Variants in TUSC3 observed in about 807,000 individuals in gnomAD.
TUSC3 encodes tumor suppressor candidate 3, also known as dolichyl-diphosphooligosaccharide--protein glycosyltransferase subunit TUSC3.
TUSC3 carries 45 observed loss-of-function variants against 44.8 expected under a neutral mutation model. The observed-to-expected ratio is 1.00, with a 90% CI of 0.79 to 1.29. The LOEUF (loss-of-function observed/expected upper bound fraction) is 1.29, where lower values mean the gene tolerates loss of function less well. Among genes scored for constraint, TUSC3 ranks in the 50% most tolerant of loss-of-function variants. The probability of loss-of-function intolerance (pLI) is 0.00; values close to 1 mark genes in which losing one functional copy is unlikely to be tolerated. For synonymous variants in TUSC3, 212 were observed against 152.9 expected (o/e 1.39, Z -2.85); for missense variants, 519 against 437.9 (o/e 1.19, Z -1.65).
intron 1 of TUSC3, among the ~76,000 whole-genome samples, chr8:15,558,797 G>T (rs911182076): frequency 1.4e-5 from 2 of 143,124 alleles, no homozygotes; most frequent in African/African-American, 5.1e-5. Context: ...TTTGCATAGA[G>T]GTGTTTGTAG....
At chr8:15,780,536 C>T in the TUSC3 span, among the ~76,000 whole-genome samples, 1 of 152,162 alleles carries the variant, frequency 6.6e-6, no homozygotes, top group Non-Finnish European at 1.5e-5. Context: ...CTCAAATATT[C>T]CCAGTTGTTC....
At position 15,540,419 on chromosome 8, in the gene TUSC3, T is replaced by G; in HGVS notation, c.-12T>G. The G allele has an allele frequency of 6.4e-7, 1 of 1,572,166 alleles. No individual in the cohort carries two copies. Among genetic ancestry groups the G allele is most frequent in the Non-Finnish European group, 8.6e-7 (1 of 1,160,600 alleles). On this transcript the variant is annotated 5_prime_UTR_variant, in exon 1 of 11. Transcript: ENST00000503731. The stretch of plus-strand genomic sequence containing the variant: ...CGGCTACCGCGCGTGGAGGAGACAC[T>G]GCCCTGCCGCGATGGGGGCCCGGGG...
chr8:15,534,888 A>G (rs997475058), intron 2 of TUSC3, among the ~76,000 whole-genome samples: 3 of 152,168 alleles, frequency 2.0e-5, no homozygotes, highest in Admixed American at 1.3e-4. Flanking sequence ...CAGTTTGAAC[A>G]TTCAGCAGTC....
the TUSC3 span, among the ~76,000 whole-genome samples, chr8:15,805,439 C>A: frequency 6.6e-6 from 1 of 151,926 alleles, no homozygotes; most frequent in Non-Finnish European, 1.5e-5. Flanking sequence ...TCAGCTTTTG[C>A]CTGTTTAGTA....
In TUSC3 at chr8:15,699,350, A is replaced by G. The variant is rs377283432; in HGVS notation, c.798+25514A>G. 1.1e-4 allele frequency among the ~76,000 whole-genome samples: 17 copies of G among 152,322 alleles called. No individual in the cohort carries two copies. In the East Asian group the frequency reaches 1.9e-3, roughly 17 times the overall value. On this transcript the variant is annotated intron_variant, in intron 6 of 10. Transcript: ENST00000503731. Reference sequence around the variant, plus strand: ...AGCACTTTCATTCACCATAGTTCTCAAAACTTGCAAACTTTTAGACTGCAC... The same window carrying G: ...AGCACTTTCATTCACCATAGTTCTCGAAACTTGCAAACTTTTAGACTGCAC...
intron 1 of TUSC3, among the ~76,000 whole-genome samples, chr8:15,468,596 C>A (rs1436443374): frequency 6.6e-6 from 1 of 152,044 alleles, no homozygotes; most frequent in African/African-American, 2.4e-5. Flanking sequence ...CTGATGCCCC[C>A]CTCTAATAAA....
chr8:15,681,478 C>T (rs1306535803), intron 6 of TUSC3, among the ~76,000 whole-genome samples: 2 of 151,532 alleles, frequency 1.3e-5, no homozygotes. Flanking sequence ...TAATATAGTG[C>T]CGAGTATCTT....
chr8:15,542,000 AT>A (rs540766032), intron 1 of TUSC3, among the ~76,000 whole-genome samples: 112 of 145,802 alleles, frequency 7.7e-4, no homozygotes, highest in Middle Eastern at 3.6e-3. Context: ...ACCTTAATCA[AT>A]TTTTTTTTTT....
intron 4 of TUSC3, among the ~76,000 whole-genome samples, chr8:15,661,369 T>G (rs948186860): frequency 5.9e-5 from 9 of 152,138 alleles, no homozygotes; most frequent in African/African-American, 2.2e-4. Context: ...CTGTAGCCTG[T>G]CTTTTCTCTT....
At chr8:15,481,165 T>C (rs919251491) in intron 1 of TUSC3, among the ~76,000 whole-genome samples, 24 of 151,036 alleles carry the variant, frequency 1.6e-4, no homozygotes, top group Admixed American at 1.3e-3. Context: ...GGAGAACTGC[T>C]TGAACCTGGA....
chr8:15,611,539 A>C (rs1380313663), intron 1 of TUSC3, among the ~76,000 whole-genome samples: 9 of 152,218 alleles, frequency 5.9e-5, no homozygotes, highest in Admixed American at 5.9e-4. Flanking sequence ...ATTGCTGATT[A>C]CATTATCTCT....
At chr8:15,720,201 T>TATATATAC (rs369753796) in intron 6 of TUSC3, among the ~76,000 whole-genome samples, 42 of 141,708 alleles carry the variant, frequency 3.0e-4, no homozygotes, top group African/African-American at 1.1e-3. Context: ...TATATATATA[T>TATATATAC]ACACACACAC....
At chr8:15,628,624 G>A (rs1157495932) in intron 2 of TUSC3, among the ~76,000 whole-genome samples, 2 of 152,186 alleles carry the variant, frequency 1.3e-5, no homozygotes, top group African/African-American at 4.8e-5. Flanking sequence ...AAGGGAAGGT[G>A]AGGAGCAGGT....
chr8:15,649,516 G>A (rs1483716104), intron 2 of TUSC3, among the ~76,000 whole-genome samples: 1 of 151,690 alleles, frequency 6.6e-6, no homozygotes, highest in Admixed American at 6.6e-5. Flanking sequence ...CCTGGGAGGC[G>A]GAGCTTGCAG....
chr8:15,746,373 T>C (rs1585296378), intron 8 of TUSC3, among the ~76,000 whole-genome samples: 1 of 152,240 alleles, frequency 6.6e-6, no homozygotes, highest in South Asian at 2.1e-4. Flanking sequence ...AAACATATTT[T>C]AAAACTTTCA....
At chr8:15,675,628 C>T (rs1808152830) in intron 6 of TUSC3, among the ~76,000 whole-genome samples, 1 of 152,006 alleles carries the variant, frequency 6.6e-6, no homozygotes, top group Admixed American at 6.6e-5. Context: ...GCTGCAGTGT[C>T]TGCTCCCATC....
rs1276079521 is a variant in TUSC3 at position 15,448,117 on chromosome 8, A to ATATATT, written n.91+30815_91+30816insATTTAT. On this transcript the variant is annotated intron_variant and non_coding_transcript_variant, in intron 1 of 5. Coordinates refer to the TUSC3 transcript ENST00000503191. The stretch of plus-strand genomic sequence containing the variant: ...TATGGTAGTGTATATACATATATAT[A>ATATATT]TATTTATTTATTTATTTTTTAGATG... Among the ~76,000 whole-genome samples the ATATATT allele has an allele frequency of 2.5e-4, 23 of 93,782 alleles. 1 individual carries two copies. Among genetic ancestry groups the ATATATT allele is most frequent in the Admixed American group, 5.4e-4 (5 of 9,200 alleles). 61.5% of individuals were successfully genotyped at this position (93,782 alleles called of 152,430 possible).
At chr8:15,601,125 G>C (rs1804272638) in intron 1 of TUSC3, among the ~76,000 whole-genome samples, 1 of 151,666 alleles carries the variant, frequency 6.6e-6, no homozygotes, top group African/African-American at 2.4e-5. Flanking sequence ...TAGGTAGCAA[G>C]CTTAAGGTTA....
At chr8:15,741,130 G>A (rs775804425) in intron 7 of TUSC3, among the ~76,000 whole-genome samples, 2 of 93,998 alleles carry the variant, frequency 2.1e-5, no homozygotes, top group Non-Finnish European at 4.6e-5. Flanking sequence ...ATGGCTTTGT[G>A]TGTGTATAAA....
Sources: allele counts gnomAD v4.1 joint callset (sites outside exome capture counted in the v4.1 genomes callset), GRCh38; gene constraint gnomAD v4.1.1; transcripts MANE v1.5; gene names NCBI Gene and HGNC (gene_info 2026-07-23, HGNC 2026-07-21).